Variants in ELFN2 observed in about 807,000 individuals in gnomAD.
ELFN2 encodes the protein protein phosphatase 1 regulatory subunit 29.
Under a neutral mutation model 45.5 loss-of-function variants are expected in ELFN2, and 17 were observed. That is an observed-to-expected ratio of 0.37 (90% CI 0.26 to 0.56). The LOEUF (loss-of-function observed/expected upper bound fraction) is 0.56, where lower values mean the gene tolerates loss of function less well. ELFN2 is among the 20% of genes least tolerant of loss of function. The pLI is 0.77. For missense variants in ELFN2, 922 were observed against 1,183.2 expected (o/e 0.78, Z 3.24); for synonymous variants, 550 against 551.5 (o/e 1.00, Z 0.04).
intron 1 of ELFN2, among the ~76,000 whole-genome samples, chr22:37,343,076 C>T (rs1349490770): frequency 6.6e-6 from 1 of 152,174 alleles, no homozygotes; most frequent in Non-Finnish European, 1.5e-5. Context: ...TGGTCCCAGG[C>T]CTCTTCAATT....
In ELFN2 at chr22:37,416,725, C is replaced by A. The variant is rs185971155; in HGVS notation, c.-463+1044G>T. 2.6e-5 allele frequency among the ~76,000 whole-genome samples: 4 copies of A among 152,176 alleles called. No homozygotes were observed. The East Asian group carries it at 7.7e-4, about 29-fold the overall frequency. On this transcript the variant is annotated intron_variant, in intron 2 of 2. Coordinates refer to ENST00000402918, the MANE Select transcript of ELFN2 (RefSeq NM_052906.5). ...CTCCCCAGCCCTCCACCACCAAGAA[C>A]CCCCACTTCAGCCTGTGACAGCAAC...
Position 37,374,401 on chromosome 22 carries a change from G to A in ELFN2, c.1134C>T (p.Thr378=). The change falls in exon 3 of 3, where the codon ACC becomes ACT. Residue 378 remains threonine (T), a synonymous_variant. Coordinates refer to ENST00000402918, the MANE Select transcript of ELFN2 (RefSeq NM_052906.5). ...AGTCTCCGGGGACGGGGTCCCGCGT[G>A]GTGAAGGTCAGGCAGGTGTGGTTGA... ...RRFNHTCLTF[T]TRDPVPGDLA... 1 of 1,613,920 alleles carries A rather than the reference G, an allele frequency of 6.2e-7. No homozygotes were observed. Among genetic ancestry groups the A allele is most frequent in the Non-Finnish European group, 8.5e-7 (1 of 1,179,900 alleles).
At chr22:37,411,975 C>CA (rs573213030) in intron 2 of ELFN2, among the ~76,000 whole-genome samples, 7 of 150,086 alleles carry the variant, frequency 4.7e-5, no homozygotes, top group Admixed American at 1.3e-4. Context: ...CTGCCTCTTC[C>CA]AAAAAAAAAG....
At chr22:37,405,564 C>T (rs1320728803) in intron 2 of ELFN2, among the ~76,000 whole-genome samples, 2 of 152,046 alleles carry the variant, frequency 1.3e-5, no homozygotes, top group African/African-American at 4.8e-5. Context: ...TGTCACTGCT[C>T]CTCCCAGTGA....
chr22:37,354,631 G>A (rs1930907209), intron 1 of ELFN2: 2 of 151,834 alleles, frequency 1.3e-5, no homozygotes, highest in Non-Finnish European at 2.9e-5. Flanking sequence ...AGTAAATACA[G>A]GACGTACAAA....
Position 37,375,367 on chromosome 22 carries a change from G to T in ELFN2, c.168C>A (p.Thr56=), listed in dbSNP as rs752044484. The change falls in exon 3 of 3, where the codon ACC becomes ACA. Residue 56 remains threonine, a synonymous_variant. Transcript: ENST00000402918. ...YETIPQHINS[T]VHDLRLNENK... ...TCTCGTTGAGCCGCAGGTCGTGCAC[G>T]GTGCTATTGATGTGCTGCGGGATGG... is the stretch of plus-strand genomic sequence containing the variant. 3.7e-6 allele frequency: 6 copies of T among 1,614,202 alleles called. No individual in the cohort carries two copies. Among genetic ancestry groups the T allele is most frequent in the African/African-American group, 1.3e-5 (1 of 75,048 alleles).
At position 37,358,958 on chromosome 22, in the gene ELFN2, T is replaced by C. The variant is rs7288916; in HGVS notation, n.149-16255A>G. Among the ~76,000 whole-genome samples the C allele has an allele frequency of 9.0e-3, 1,370 of 152,098 alleles. 19 individuals carry two copies. Among genetic ancestry groups the C allele is most frequent in the African/African-American group, 0.032 (1,324 of 41,476 alleles). Reference sequence around the variant, plus strand: ...GAGTGGCAGGGGACTGCCACTTACATAGGAAGCAGGAGGACTGGGGGCCGC... The same window carrying C: ...GAGTGGCAGGGGACTGCCACTTACACAGGAAGCAGGAGGACTGGGGGCCGC... On this transcript the variant is annotated intron_variant and non_coding_transcript_variant, in intron 1 of 2. Transcript: ENST00000452946.
chr22:37,359,596 C>T (rs944533387), intron 1 of ELFN2, among the ~76,000 whole-genome samples: 3 of 152,230 alleles, frequency 2.0e-5, no homozygotes, highest in African/African-American at 4.8e-5. Context: ...TCAAGGCTTC[C>T]GTGCCTCGAT....
chr22:37,394,980 G>T (rs1411245738), intron 2 of ELFN2, among the ~76,000 whole-genome samples: 2 of 152,052 alleles, frequency 1.3e-5, no homozygotes, highest in Admixed American at 6.6e-5. Flanking sequence ...GCACACGCCT[G>T]TAGTCCCAGC....
chr22:37,410,135 G>A (rs1569142708), intron 2 of ELFN2, among the ~76,000 whole-genome samples: 1 of 152,134 alleles, frequency 6.6e-6, no homozygotes, highest in Non-Finnish European at 1.5e-5. Flanking sequence ...GCTCTCTCCT[G>A]CGGCCTGAGA....
chr22:37,363,250 C>T (rs1466176750), downstream of ELFN2, among the ~76,000 whole-genome samples: 1 of 152,106 alleles, frequency 6.6e-6, no homozygotes, highest in African/African-American at 2.4e-5. Context: ...GCAATAGAAA[C>T]CGGACTGAAG....
In ELFN2 at chr22:37,374,407, G is replaced by C. The variant is rs768920503; in HGVS notation, c.1128C>G (p.Thr376=). ...NSRRFNHTCL[T]FTTRDPVPGD... is the part of the protein sequence containing the mutation. ...CGGGGACGGGGTCCCGCGTGGTGAA[G>C]GTCAGGCAGGTGTGGTTGAAGCGGC... The change falls in exon 3 of 3, where the codon ACC becomes ACG. Residue 376 remains threonine (T), a synonymous_variant. Transcript: ENST00000402918. 6.2e-7 allele frequency: 1 copy of C among 1,613,962 alleles called. No individual in the cohort carries two copies. Among genetic ancestry groups the C allele is most frequent in the Admixed American group, 1.7e-5 (1 of 60,034 alleles).
intron 2 of ELFN2, among the ~76,000 whole-genome samples, chr22:37,415,376 G>A (rs778086147): frequency 2.0e-5 from 3 of 152,246 alleles, no homozygotes; most frequent in African/African-American, 7.2e-5. Context: ...CTCAGGCAAC[G>A]GCTGTGGGGA....
At chr22:37,398,394 A>C (rs1932274476) in intron 2 of ELFN2, among the ~76,000 whole-genome samples, 1 of 151,144 alleles carries the variant, frequency 6.6e-6, no homozygotes, top group Admixed American at 6.6e-5. Context: ...CAGAAAGCAA[A>C]CCTCTCACCC....
At chr22:37,350,350 G>GA (rs1229829952) in intron 1 of ELFN2, among the ~76,000 whole-genome samples, 1 of 143,208 alleles carries the variant, frequency 7.0e-6, no homozygotes, top group Non-Finnish European at 1.6e-5. Flanking sequence ...TGCAGCCTGA[G>GA]AAGGTCCCTC....
At chr22:37,366,554 C>T (rs944206651), downstream of ELFN2, among the ~76,000 whole-genome samples, 3 of 152,240 alleles carry the variant, frequency 2.0e-5, no homozygotes, top group East Asian at 1.9e-4. Flanking sequence ...GGACCCAGTG[C>T]GACAGGCAGG....
intron 1 of ELFN2, among the ~76,000 whole-genome samples, chr22:37,358,039 A>G (rs1327616878): frequency 6.6e-6 from 1 of 152,052 alleles, no homozygotes; most frequent in Admixed American, 6.5e-5. Context: ...TCTAATTGCT[A>G]TCATTCTCAG....
At chr22:37,425,252 G>T (rs1180931129) in intron 1 of ELFN2, among the ~76,000 whole-genome samples, 1 of 152,156 alleles carries the variant, frequency 6.6e-6, no homozygotes, top group African/African-American at 2.4e-5. Context: ...CACATTGGAG[G>T]CCTCCAGGCC....
chr22:37,402,496 C>T (rs1932388049), intron 2 of ELFN2, among the ~76,000 whole-genome samples: 1 of 152,196 alleles, frequency 6.6e-6, no homozygotes, highest in South Asian at 2.1e-4. Flanking sequence ...TCTCAAAAGC[C>T]TTTCCAACTG....
Sources: allele counts gnomAD v4.1 joint callset (sites outside exome capture counted in the v4.1 genomes callset), GRCh38; gene constraint gnomAD v4.1.1; transcripts MANE v1.5; gene names NCBI Gene and HGNC (gene_info 2026-07-23, HGNC 2026-07-21).